ARHGAP23: variants seen among roughly 807,000 people sequenced by gnomAD.
ARHGAP23 encodes rho GTPase-activating protein 23.
Under a neutral mutation model 136.3 loss-of-function variants are expected in ARHGAP23, and 34 were observed. That is an observed-to-expected ratio of 0.25 (90% CI 0.19 to 0.33). ARHGAP23 has a LOEUF of 0.33. Among genes scored for constraint, ARHGAP23 ranks in the 10% least tolerant of loss-of-function variants. ARHGAP23 has a pLI of 1.00. For missense variants in ARHGAP23, 1,808 were observed against 2,139.0 expected (o/e 0.85, Z 3.05); for synonymous variants, 832 against 920.5 (o/e 0.90, Z 1.74).
At chr17:38,508,506 C>T (rs1428449325) in intron 23 of ARHGAP23, among the ~76,000 whole-genome samples, 1 of 152,128 alleles carries the variant, frequency 6.6e-6, no homozygotes, top group African/African-American at 2.4e-5. Context: ...CTGGTGGGTG[C>T]TGGGGCATGC....
upstream of ARHGAP23, among the ~76,000 whole-genome samples, chr17:38,425,224 C>G (rs912664686): frequency 6.6e-6 from 1 of 152,210 alleles, no homozygotes; most frequent in African/African-American, 2.4e-5. Context: ...TGCCCATAGG[C>G]ACCCTCCACT....
At chr17:38,425,146 C>G (rs1287393940), upstream of ARHGAP23, among the ~76,000 whole-genome samples, 1 of 152,198 alleles carries the variant, frequency 6.6e-6, no homozygotes, top group Admixed American at 6.5e-5. Flanking sequence ...AGCACGGAAG[C>G]GCCTCTGGGC....
intron 1 of ARHGAP23, among the ~76,000 whole-genome samples, chr17:38,441,487 C>T (rs900452504): frequency 6.6e-6 from 1 of 152,082 alleles, no homozygotes; most frequent in African/African-American, 2.4e-5. Flanking sequence ...CTGAAATCTA[C>T]AGATGTCCAA....
At chr17:38,501,420 G>A (rs4794782) in intron 23 of ARHGAP23, among the ~76,000 whole-genome samples, 2 of 152,066 alleles carry the variant, frequency 1.3e-5, no homozygotes, top group Non-Finnish European at 2.9e-5. Context: ...TCCTGCCTCA[G>A]CCTCCCGAGT....
At position 38,510,357 on chromosome 17, in the gene ARHGAP23, G is replaced by A. The variant is rs866253771; in HGVS notation, c.3861G>A (p.Thr1287=). 39 of 1,248,298 alleles carry A rather than the reference G, an allele frequency of 3.1e-5. No individual in the cohort carries two copies. Among genetic ancestry groups the A allele is most frequent in the Non-Finnish European group, 3.8e-5 (38 of 997,776 alleles). The allele number at this position is 1,248,298 out of a possible 1,614,324, so 77.3% of individuals were successfully genotyped here. A position where few individuals can be genotyped will look rare whatever the true frequency, so the allele number is the denominator to read the frequency against. The change falls in exon 24 of 24, where the codon ACG becomes ACA. Residue 1287 remains threonine (T), a synonymous_variant. Coordinates refer to ENST00000622683, the MANE Select transcript of ARHGAP23 (RefSeq NM_001199417.2). The surrounding 1 kb of genome is among the most constrained non-coding windows in gnomAD (Gnocchi z 4.6). ...GTAGCGAGCTGAGCCACGTGGAGACGGACACTGAGGGCGCGGCGGGCGCGG... is the reference window on the plus strand; with the variant it reads ...GTAGCGAGCTGAGCCACGTGGAGACAGACACTGAGGGCGCGGCGGGCGCGG... ...DERSELSHVE[T]DTEGAAGAGP...
intron 1 of ARHGAP23, among the ~76,000 whole-genome samples, chr17:38,446,020 CTTT>C (rs56071314): frequency 0.18 from 24,763 of 139,438 alleles, 3,070 homozygotes; most frequent in African/African-American, 0.37. Context: ...AAATATCTTT[CTTT>C]TTTTTTTTTT....
At position 38,458,085 on chromosome 17, in the gene ARHGAP23, C is replaced by T. The variant is rs1770389832; in HGVS notation, c.64-17C>T. 6.5e-7 allele frequency: 1 copy of T among 1,535,724 alleles called. No individual in the cohort carries two copies. The highest frequency in any genetic ancestry group is 1.4e-5 in the African/African-American group (1 of 73,032). On this transcript the variant is annotated splice_polypyrimidine_tract_variant and intron_variant, in intron 1 of 23. Transcript: ENST00000622683. ...CAGCCACACGGGCGCTCAGCCTGGC[C>T]TCTCTGTCTCCCACAGCTGCCACTG... is the stretch of plus-strand genomic sequence containing the variant.
chr17:38,435,358 T>A (rs2038772142), intron 1 of ARHGAP23, among the ~76,000 whole-genome samples: 1 of 151,776 alleles, frequency 6.6e-6, no homozygotes, highest in Admixed American at 6.6e-5. Flanking sequence ...GTGCCCAGAG[T>A]CCCTTCAGCT....
intron 1 of ARHGAP23, among the ~76,000 whole-genome samples, chr17:38,446,020 C>T (rs1223158878): frequency 2.2e-5 from 3 of 139,502 alleles, no homozygotes; most frequent in African/African-American, 5.4e-5. Context: ...AAATATCTTT[C>T]TTTTTTTTTT....
chr17:38,467,989 A>G (rs2039653811), intron 7 of ARHGAP23, among the ~76,000 whole-genome samples: 1 of 152,204 alleles, frequency 6.6e-6, no homozygotes, highest in Admixed American at 6.5e-5. Flanking sequence ...TGCAGGGACA[A>G]TCCATTGGGA....
At chr17:38,423,715 T>C (rs1345186659), upstream of ARHGAP23, among the ~76,000 whole-genome samples, 1 of 151,836 alleles carries the variant, frequency 6.6e-6, no homozygotes, top group African/African-American at 2.4e-5. Flanking sequence ...CCCTCTCGCT[T>C]TGGAGATACA....
At chr17:38,454,594 T>C (rs536700337) in intron 1 of ARHGAP23, among the ~76,000 whole-genome samples, 2 of 152,118 alleles carry the variant, frequency 1.3e-5, no homozygotes, top group South Asian at 2.1e-4. Context: ...GGTTTCCTAG[T>C]GGGCAGAGGA....
rs1204734933 is a variant in ARHGAP23, at chr17:38,482,050, C to T, written c.2658C>T (p.Pro886=). 2.6e-6 allele frequency: 4 copies of T among 1,549,318 alleles called. No homozygotes were observed. The highest frequency in any genetic ancestry group is 3.5e-6 in the Non-Finnish European group (4 of 1,146,176). ...KDDSAAAPKT[P]WGINIIKKNK... ...ACAGTGCTGCAGCCCCCAAAACCCCCTGGGGCATCAACATCATCAAGAAAA... is the reference window on the plus strand; with the variant it reads ...ACAGTGCTGCAGCCCCCAAAACCCCTTGGGGCATCAACATCATCAAGAAAA... Residue 886 remains proline (P), a synonymous_variant, in exon 15 of 24, where the codon CCC becomes CCT. Transcript: ENST00000622683.
intron 3 of ARHGAP23, 77 bp downstream of exon 3, chr17:38,461,009 G>A: frequency 4.0e-6 from 6 of 1,510,474 alleles, no homozygotes; most frequent in Non-Finnish European, 5.3e-6. Flanking sequence ...CCTCCCCTAA[G>A]ACTGCCTGTC....
intron 1 of ARHGAP23, among the ~76,000 whole-genome samples, chr17:38,423,358 A>C (rs567800532): frequency 5.6e-4 from 84 of 151,142 alleles, no homozygotes; most frequent in African/African-American, 2.0e-3. Context: ...ATGCCTGGCT[A>C]ATTTTTTGTT....
rs777413649 is a variant in ARHGAP23 at position 38,479,782 on chromosome 17, C to T, written c.2528C>T (p.Ser843Phe). 1.5e-4 allele frequency: 218 copies of T among 1,500,666 alleles called. 1 individual carries two copies. Among genetic ancestry groups the T allele is most frequent in the Admixed American group, 3.1e-4 (14 of 44,824 alleles). 93.0% of individuals were successfully genotyped at this position (1,500,666 alleles called of 1,614,324 possible). Residue 843 changes from serine (S) to phenylalanine (F), a missense_variant, in exon 14 of 24, where the codon TCC (serine) becomes TTC (phenylalanine). Ser to Phe is a radical substitution (Grantham distance 155). This residue lies in a region of ARHGAP23 where 73 missense variants were observed against 82.5 expected (regional missense o/e 0.88). Coordinates refer to ENST00000622683, the MANE Select transcript of ARHGAP23 (RefSeq NM_001199417.2). ...AGCTCTGGGCCCAAAGCTGATTCCT[C>T]CCCCAAAGGCTCTCGCGGCCTGGGG... is the stretch of plus-strand genomic sequence containing the variant. ...SHSSGPKADS[S>F]PKGSRGLGGL...
chr17:38,433,578 G>A (rs1416307743), intron 1 of ARHGAP23, among the ~76,000 whole-genome samples: 6 of 152,204 alleles, frequency 3.9e-5, no homozygotes, highest in Admixed American at 3.9e-4. Flanking sequence ...GCTTGGCACA[G>A]GAAACTTTAA....
At chr17:38,466,138 T>C (rs1290563818) in intron 6 of ARHGAP23, 29 bp from the exon 7 acceptor site, 4 of 1,451,360 alleles carry the variant, frequency 2.8e-6, no homozygotes, top group Admixed American at 4.7e-5. Context: ...TGTCTGGCCC[T>C]GCTTACCTGT....
intron 1 of ARHGAP23, among the ~76,000 whole-genome samples, chr17:38,439,657 C>G (rs1329057451): frequency 6.6e-6 from 1 of 152,210 alleles, no homozygotes; most frequent in African/African-American, 2.4e-5. Flanking sequence ...TGGATTATCT[C>G]TATTTAATAA....
Sources: gnomAD v4.1 joint callset for allele counts (sites outside exome capture counted in the v4.1 genomes callset) on GRCh38, gnomAD v4.1.1 for gene constraint, gnomAD v4.1.1 regional missense constraint, Gnocchi (gnomAD v3.1) non-coding constraint, MANE v1.5 for transcripts, NCBI Gene and HGNC (gene_info 2026-07-23, HGNC 2026-07-21) for gene names.